The following RFX1 variants were observed in gnomAD, a reference collection of about 807,000 sequenced individuals.
RFX1 encodes the protein MHC class II regulatory factor RFX1.
A neutral mutation model predicts 119.6 loss-of-function variants in RFX1; 42 were observed. The observed-to-expected ratio is 0.35, with a 90% CI of 0.27 to 0.45. RFX1 has a LOEUF of 0.45. Ranked by LOEUF, RFX1 falls within the 20% of genes least tolerant of loss-of-function variation. The pLI is 1.00. For synonymous variants in RFX1, 628 were observed against 618.5 expected (o/e 1.02, Z -0.23); for missense variants, 1,118 against 1,368.1 (o/e 0.82, Z 2.88).
chr19:14,005,758 C>A (rs2145655383), intron 1 of RFX1, among the ~76,000 whole-genome samples: 1 of 152,006 alleles, frequency 6.6e-6, no homozygotes, highest in South Asian at 2.1e-4. Context: ...TCCCGCCCAC[C>A]CACCTTGGCC....
chr19:14,001,801 G>T (rs186810372), intron 1 of RFX1, among the ~76,000 whole-genome samples: 340 of 152,326 alleles, frequency 2.2e-3, no homozygotes, highest in Non-Finnish European at 4.1e-3. Context: ...AGAATTTCAA[G>T]TCTAGCCTGG....
chr19:13,978,163 C>T, intron 7 of RFX1, 77 bp from the exon 8 acceptor site: 2 of 1,090,202 alleles, frequency 1.8e-6, no homozygotes. Context: ...GGCTGGTGCC[C>T]ACCCAGGCTA....
upstream of RFX1, chr19:14,006,453 T>G (rs1301361902): frequency 6.6e-6 from 1 of 152,206 alleles, no homozygotes; most frequent in Non-Finnish European, 1.5e-5. Context: ...TTCAACACCC[T>G]CTGGACTTCC....
chr19:13,982,484 G>C (rs1433781221), intron 4 of RFX1, among the ~76,000 whole-genome samples: 1 of 152,196 alleles, frequency 6.6e-6, no homozygotes, highest in Non-Finnish European at 1.5e-5. Flanking sequence ...GTCAGGCCAT[G>C]TGGAATGTGC....
chr19:13,980,585 G>T lies in RFX1; in HGVS notation c.726C>A (p.Pro242=). The part of the protein sequence containing the change: ...LQVHGVQQSV[P]VTQERSVVQA... ...CTTGGCCTGGCACCTCTTGGGTGAC[G>T]GGGACACTCTGCTGGACGCCGTGGA... The change falls in exon 6 of 21, where the codon CCC becomes CCA. Residue 242 remains proline, a synonymous_variant. Transcript: ENST00000254325. The surrounding 1 kb of genome is among the most constrained non-coding windows in gnomAD (Gnocchi z 5.1). 6.4e-7 allele frequency: 1 copy of T among 1,571,470 alleles called. No individual in the cohort carries two copies. The highest frequency in any genetic ancestry group is 2.3e-5 in the East Asian group (1 of 43,208).
Position 13,965,307 on chromosome 19 carries a change from C to G in RFX1, c.2211+142G>C. 1 of 750,850 alleles carries G rather than the reference C, an allele frequency of 1.3e-6. No homozygotes were observed. The highest frequency in any genetic ancestry group is 2.3e-6 in the Non-Finnish European group (1 of 441,878). 46.5% of individuals were successfully genotyped at this position (750,850 alleles called of 1,614,324 possible). ...TAAAGACAATGCCCAGGGTGCTCCCCGAGGCGGAGAAGGTCTCCCCTTCCT... is the reference window on the plus strand; with the variant it reads ...TAAAGACAATGCCCAGGGTGCTCCCGGAGGCGGAGAAGGTCTCCCCTTCCT... On this transcript the variant is annotated intron_variant, in intron 16 of 20. Transcript: ENST00000254325. The surrounding 1 kb of genome is among the most constrained non-coding windows in gnomAD (Gnocchi z 4.7).
At chr19:13,971,711 A>C (rs947112081) in intron 9 of RFX1, among the ~76,000 whole-genome samples, 1 of 152,016 alleles carries the variant, frequency 6.6e-6, no homozygotes, top group African/African-American at 2.4e-5. Context: ...TCTCTACAAA[A>C]AAAATTTTTT....
Position 13,978,004 on chromosome 19 carries a change from G to A in RFX1, c.917C>T (p.Thr306Met), listed in dbSNP as rs781145487. Residue 306 changes from threonine (T) to methionine (M), a missense_variant, in exon 8 of 21, where the codon ACG (threonine) becomes ATG (methionine). Physicochemically the swap from Thr to Met is moderately conservative, Grantham distance 81 (BLOSUM62 -1). Transcript: ENST00000254325. ...TCCCTTCACTTACATGGCACTGGCC[G>A]TGTAGCTGGCATCGCCGCCCTCCAC... ...QYVEGGDASYTASAIRSSTYS... is the reference protein window; with the variant it reads ...QYVEGGDASYMASAIRSSTYS... 18 of 1,611,918 alleles carry A rather than the reference G, an allele frequency of 1.1e-5. No individual in the cohort carries two copies. Among genetic ancestry groups the A allele is most frequent in the African/African-American group, 2.7e-5 (2 of 74,906 alleles).
At chr19:13,964,561 A>T (rs1281391802) in intron 16 of RFX1, among the ~76,000 whole-genome samples, 2 of 152,208 alleles carry the variant, frequency 1.3e-5, no homozygotes, top group East Asian at 3.9e-4. Context: ...AGCTCACTGC[A>T]TCCTCCGCCT....
chr19:13,994,889 CATACAT>C (rs1568481289), intron 1 of RFX1, among the ~76,000 whole-genome samples: 2 of 64,070 alleles, frequency 3.1e-5, no homozygotes, highest in African/African-American at 1.5e-4. Flanking sequence ...TTGAAATATA[CATACAT>C]ATATATATAT....
In RFX1 at chr19:13,963,283, TGGAGAC is replaced by T; in HGVS notation, c.2571-14_2571-9del. ...TCCCGGATCACCATGGAGCTGGGGA[TGGAGAC>T]GGAGAGGAGACCGTCAGGCCCCGTC... On this transcript the variant is annotated splice_polypyrimidine_tract_variant and intron_variant, in intron 18 of 20. Transcript: ENST00000254325. 1 of 1,606,160 alleles carries T rather than the reference TGGAGAC, an allele frequency of 6.2e-7. No individual in the cohort carries two copies. The highest frequency in any genetic ancestry group is 8.5e-7 in the Non-Finnish European group (1 of 1,178,390).
rs777787788 is a variant in RFX1 at position 13,963,666 on chromosome 19, C to A, written c.2442G>T (p.Gln814His). The A allele has an allele frequency of 2.5e-6, 4 of 1,603,684 alleles. No homozygotes were observed. In the South Asian group the frequency reaches 3.3e-5, roughly 13 times the overall value. ...LEQDFKVTLQ[Q>H]QNSLEQWAAW... ...CCGCCCACTGCTCCAGCGAGTTCTG[C>A]TGCTGCAGCGTCACCTTGAAGTCCT... is the stretch of plus-strand genomic sequence containing the variant. The change falls in exon 18 of 21, where the codon CAG becomes CAT. Residue 814 changes from glutamine to histidine, a missense_variant. Gln to His is a conservative substitution (Grantham distance 24). Around this residue, in one of 5 missense-constraint regions of RFX1, gnomAD observed 68 missense variants for 67.2 expected, o/e 1.01. Coordinates refer to ENST00000254325, the MANE Select transcript of RFX1 (RefSeq NM_002918.5).
chr19:13,992,607 C>A (rs1256849289), intron 2 of RFX1, among the ~76,000 whole-genome samples: 1 of 152,216 alleles, frequency 6.6e-6, no homozygotes, highest in Non-Finnish European at 1.5e-5. Flanking sequence ...CCCCAGCTGA[C>A]CTCCCTGAAG....
At chr19:13,982,897 G>A in intron 4 of RFX1, 3 of 465,124 alleles carry the variant, frequency 6.4e-6, no homozygotes, top group Non-Finnish European at 1.2e-5. Context: ...TCTAAACCTG[G>A]CCTTGGGTTC....
At chr19:13,982,341 A>G in intron 4 of RFX1, 113 bp from the exon 5 acceptor site, 2 of 492,104 alleles carry the variant, frequency 4.1e-6, no homozygotes, top group East Asian at 7.2e-5. Context: ...CTGTTAGCTC[A>G]CAGAATCGCC....
chr19:13,979,434 G>A lies in RFX1; in HGVS notation c.834+13C>T, dbSNP rs1486759386. The A allele has an allele frequency of 2.6e-6, 4 of 1,549,958 alleles. No individual in the cohort carries two copies. The Admixed American group carries it at 7.2e-5, about 28-fold the overall frequency. On this transcript the variant is annotated intron_variant, in intron 7 of 20. Transcript: ENST00000254325. Reference sequence around the variant, plus strand: ...GCCCCTTTGCCCGTGGGGTAGGAGGGGGAGACACACACCTCTTGAGCCACG... The same window carrying A: ...GCCCCTTTGCCCGTGGGGTAGGAGGAGGAGACACACACCTCTTGAGCCACG...
Position 14,004,237 on chromosome 19 carries a change from C to A in RFX1, c.-53+1866G>T, listed in dbSNP as rs150556407. Among the ~76,000 whole-genome samples the A allele has an allele frequency of 3.9e-3, 587 of 149,136 alleles. 3 individuals are homozygous for A. The highest frequency in any genetic ancestry group is 0.014 in the African/African-American group (555 of 40,806). ...TTTTTTAAGAAGGGCTAGCCGGGCGCGGTGGCTCACGCCTGTAATCCCAGC... is the reference window on the plus strand; with the variant it reads ...TTTTTTAAGAAGGGCTAGCCGGGCGAGGTGGCTCACGCCTGTAATCCCAGC... On this transcript the variant is annotated intron_variant, in intron 1 of 20. Transcript: ENST00000254325.
At chr19:13,994,319 G>T (rs1974914083) in intron 1 of RFX1, among the ~76,000 whole-genome samples, 1 of 152,126 alleles carries the variant, frequency 6.6e-6, no homozygotes, top group African/African-American at 2.4e-5. Flanking sequence ...CCCCTCCCTT[G>T]CCTCCATCTC....
At chr19:13,982,252 G>A in intron 4 of RFX1, 24 bp from the exon 5 acceptor site, 3 of 1,254,386 alleles carry the variant, frequency 2.4e-6, no homozygotes, top group South Asian at 3.4e-5. Context: ...GGGAGAGGGA[G>A]GGCAGATCAC....
Sources: gnomAD v4.1 joint callset for allele counts (sites outside exome capture counted in the v4.1 genomes callset) on GRCh38, gnomAD v4.1.1 for gene constraint, gnomAD v4.1.1 regional missense constraint, Gnocchi (gnomAD v3.1) non-coding constraint, MANE v1.5 for transcripts, NCBI Gene and HGNC (gene_info 2026-07-23, HGNC 2026-07-21) for gene names.